The following PCDHA3 variants were observed in gnomAD, a reference collection of about 807,000 sequenced individuals.
The protein encoded by PCDHA3 is protocadherin alpha-3.
In PCDHA3, 41 loss-of-function variants were observed where a neutral mutation model predicts 62.2. That is an observed-to-expected ratio of 0.66 (90% CI 0.51 to 0.86). The LOEUF (loss-of-function observed/expected upper bound fraction) is 0.86. Among genes scored for constraint, PCDHA3 ranks in the 40% least tolerant of loss-of-function variants. PCDHA3 has a pLI of 0.00. For missense variants in PCDHA3, 1,304 were observed against 1,241.2 expected, an observed-to-expected ratio of 1.05 and a Z score of -0.76; for synonymous variants, 640 against 555.4, an observed-to-expected ratio of 1.15 and a Z score of -2.14.
At chr5:140,857,234 C>A (rs781784109) in intron 1 of PCDHA3, 1 of 1,598,590 alleles carries the variant, frequency 6.3e-7, no homozygotes, top group South Asian at 1.1e-5. Context: ...TCCGTTCAAG[C>A]TGGTGTCCAC....
chr5:140,992,558 G>A (rs567645353), intron 3 of PCDHA3, among the ~76,000 whole-genome samples: 27 of 152,256 alleles, frequency 1.8e-4, no homozygotes, highest in African/African-American at 5.8e-4. Context: ...CCAGGAGATG[G>A]GGCAACACAT....
rs931844758 is a variant in PCDHA3 at position 140,867,293 on chromosome 5, A to G, written c.2394+63702A>G. 2.6e-5 allele frequency: 4 copies of G among 152,096 alleles called. No homozygotes were observed. The South Asian group carries it at 6.2e-4, about 24-fold the overall frequency. The allele number at this position is 152,096 out of a possible 1,614,324, so 9.4% of individuals were successfully genotyped here. The stretch of plus-strand genomic sequence containing the variant: ...ATAAACCTGATGTGCTTCAAATATC[A>G]TGTTGAATATACTGTCATCTGGTCT... On this transcript the variant is annotated intron_variant, in intron 1 of 3. Coordinates refer to ENST00000522353, the MANE Select transcript of PCDHA3 (RefSeq NM_018906.3).
intron 1 of PCDHA3, chr5:140,807,275 C>CA: frequency 6.2e-7 from 1 of 1,614,232 alleles, no homozygotes; most frequent in Non-Finnish European, 8.5e-7. Context: ...AGGGAACGGT[C>CA]AGCTCCACTA....
rs563116049 is a variant in PCDHA3, at chr5:140,869,756, G to A, written c.2394+66165G>A. ...TTGCTGCTAACAGCTACAGACGGGGGAAAACCAGAGCTTACTGGCACCGTT... is the reference window on the plus strand; with the variant it reads ...TTGCTGCTAACAGCTACAGACGGGGAAAAACCAGAGCTTACTGGCACCGTT... On this transcript the variant is annotated intron_variant, in intron 1 of 3. Coordinates refer to ENST00000522353, the MANE Select transcript of PCDHA3 (RefSeq NM_018906.3). The A allele has an allele frequency of 3.2e-5, 51 of 1,613,194 alleles. No individual in the cohort carries two copies. Among genetic ancestry groups the A allele is most frequent in the Non-Finnish European group, 4.0e-5 (47 of 1,179,718 alleles).
intron 1 of PCDHA3, among the ~76,000 whole-genome samples, chr5:140,934,654 T>G (rs1178051306): frequency 6.6e-6 from 1 of 152,168 alleles, no homozygotes; most frequent in African/African-American, 2.4e-5. Flanking sequence ...AATGTTTGAT[T>G]CTTCCCCTTT....
At chr5:140,807,231 T>G in intron 1 of PCDHA3, 1 of 1,614,204 alleles carries the variant, frequency 6.2e-7, no homozygotes, top group Non-Finnish European at 8.5e-7. Flanking sequence ...CGGCGTCTGC[T>G]GCTCTTACTT....
At chr5:140,897,759 G>A (rs1238732675) in intron 1 of PCDHA3, among the ~76,000 whole-genome samples, 7 of 152,228 alleles carry the variant, frequency 4.6e-5, no homozygotes, top group South Asian at 2.1e-4. Flanking sequence ...CTGAGGAATC[G>A]CCACACTGAC....
At chr5:140,953,554 A>C (rs1554220985) in intron 1 of PCDHA3, among the ~76,000 whole-genome samples, 2 of 152,044 alleles carry the variant, frequency 1.3e-5, no homozygotes, top group Non-Finnish European at 2.9e-5. Flanking sequence ...TCTTTTCTCC[A>C]AGTTTTAGTG....
chr5:140,867,119 A>C (rs2049767402), intron 1 of PCDHA3: 1 of 152,142 alleles, frequency 6.6e-6, no homozygotes, highest in Admixed American at 6.5e-5. Context: ...ATATTGTTTT[A>C]ATTCAAATAT....
At chr5:140,829,647 C>CGGAGA in intron 1 of PCDHA3, 1 of 1,612,324 alleles carries the variant, frequency 6.2e-7, no homozygotes, top group Non-Finnish European at 8.5e-7. Context: ...AAGGTGTACG[C>CGGAGA]GCTGCAGCCG....
chr5:140,966,290 G>A (rs2095989541), intron 1 of PCDHA3: 3 of 375,186 alleles, frequency 8.0e-6, no homozygotes, highest in Non-Finnish European at 1.4e-5. Flanking sequence ...GGGGTAGGGA[G>A]AAAGGGAGTG....
chr5:140,903,498 T>C (rs1205249543), intron 1 of PCDHA3, among the ~76,000 whole-genome samples: 2 of 152,320 alleles, frequency 1.3e-5, no homozygotes, highest in East Asian at 1.9e-4. Context: ...GCAGGTACCA[T>C]AGATAATAGT....
chr5:141,006,002 G>T (rs185630910), intron 3 of PCDHA3, among the ~76,000 whole-genome samples: 1 of 151,740 alleles, frequency 6.6e-6, no homozygotes, highest in East Asian at 1.9e-4. Context: ...CTGAAAGAAG[G>T]CCTGTATGGT....
intron 1 of PCDHA3, chr5:140,863,439 T>C (rs781855193): frequency 3.3e-6 from 2 of 606,238 alleles, no homozygotes; most frequent in East Asian, 4.7e-5. Context: ...GATCTGGTCT[T>C]ACTCGCAGCA....
chr5:140,869,518 A>C, intron 1 of PCDHA3: 1 of 1,614,170 alleles, frequency 6.2e-7, no homozygotes, highest in East Asian at 2.2e-5. Flanking sequence ...CAGAGAACAA[A>C]AGCTGCTGAT....
intron 1 of PCDHA3, among the ~76,000 whole-genome samples, chr5:140,964,965 G>GA (rs1296818132): frequency 6.6e-6 from 1 of 152,204 alleles, no homozygotes; most frequent in Non-Finnish European, 1.5e-5. Context: ...TTGGTGGAAC[G>GA]AAGGGATGTG....
In PCDHA3 at chr5:140,927,655, G is replaced by C. The variant is rs782653279; in HGVS notation, c.2395-51294G>C. On this transcript the variant is annotated intron_variant, in intron 1 of 3. Transcript: ENST00000522353. Reference sequence around the variant, plus strand: ...ACCCAATGGGACTGTGTTATTCCGAGTTCAAGCCTTGGATCCAGATGAAGG... The same window carrying C: ...ACCCAATGGGACTGTGTTATTCCGACTTCAAGCCTTGGATCCAGATGAAGG... The C allele has an allele frequency of 1.2e-5, 20 of 1,614,130 alleles. No individual in the cohort carries two copies. In the Admixed American group the frequency reaches 2.3e-4, roughly 19 times the overall value.
At chr5:140,872,883 A>G (rs1249618014) in intron 1 of PCDHA3, among the ~76,000 whole-genome samples, 1 of 152,204 alleles carries the variant, frequency 6.6e-6, no homozygotes, top group Non-Finnish European at 1.5e-5. Flanking sequence ...AGTTTCATTC[A>G]TCTCACTTTG....
intron 1 of PCDHA3, chr5:140,843,096 C>A (rs2150352451): frequency 1.9e-6 from 3 of 1,595,484 alleles, no homozygotes; most frequent in Non-Finnish European, 2.6e-6. Context: ...CACGTGGTAG[C>A]GAAGGTGCGC....
Sources: gnomAD v4.1 joint callset for allele counts (sites outside exome capture counted in the v4.1 genomes callset) on GRCh38, gnomAD v4.1.1 for gene constraint, MANE v1.5 for transcripts, NCBI Gene and HGNC (gene_info 2026-07-23, HGNC 2026-07-21) for gene names.